The following PPP1R12B variants were observed in gnomAD, a reference collection of about 807,000 sequenced individuals.
PPP1R12B encodes protein phosphatase 1 regulatory subunit 12B.
Under a neutral mutation model 126.1 loss-of-function variants are expected in PPP1R12B, and 76 were observed. That is an observed-to-expected ratio of 0.60 (90% confidence interval 0.50 to 0.73). PPP1R12B has a LOEUF of 0.73. Among genes scored for constraint, PPP1R12B ranks in the 30% least tolerant of loss-of-function variants. The probability of loss-of-function intolerance (pLI) is 0.00; values close to 1 mark genes in which losing one functional copy is unlikely to be tolerated. For missense variants in PPP1R12B, 1,052 were observed against 1,205.1 expected (o/e 0.87, Z 1.88); for synonymous variants, 356 against 434.7 (o/e 0.82, Z 2.25).
At chr1:202,561,829 CT>C (rs1450904227) in intron 19 of PPP1R12B, among the ~76,000 whole-genome samples, 1 of 152,158 alleles carries the variant, frequency 6.6e-6, no homozygotes, top group African/African-American at 2.4e-5. Context: ...ATCCTTATTG[CT>C]TCTCTATCTC....
intron 13 of PPP1R12B, among the ~76,000 whole-genome samples, chr1:202,486,810 A>G (rs1209867967): frequency 1.3e-5 from 2 of 152,204 alleles, no homozygotes; most frequent in African/African-American, 4.8e-5. Context: ...TCAAAAATAA[A>G]AAACAAAACC....
At chr1:202,375,123 T>C (rs1475756635) in intron 1 of PPP1R12B, among the ~76,000 whole-genome samples, 2 of 151,978 alleles carry the variant, frequency 1.3e-5, no homozygotes, top group Non-Finnish European at 2.9e-5. Context: ...TTTGTATTTT[T>C]AGTAGAGATG....
chr1:202,360,205 G>T (rs574873114), intron 1 of PPP1R12B, among the ~76,000 whole-genome samples: 8 of 152,238 alleles, frequency 5.3e-5, no homozygotes, highest in African/African-American at 1.9e-4. Flanking sequence ...ATCATAAGTG[G>T]TGGTATGTAC....
chr1:202,378,520 C>T (rs536116938), intron 1 of PPP1R12B, among the ~76,000 whole-genome samples: 1 of 152,148 alleles, frequency 6.6e-6, no homozygotes, highest in East Asian at 1.9e-4. Context: ...TGCTCTGTCA[C>T]CTAGGTTGGA....
intron 3 of PPP1R12B, among the ~76,000 whole-genome samples, chr1:202,425,354 C>T (rs1669365789): frequency 6.6e-6 from 1 of 152,164 alleles, no homozygotes; most frequent in South Asian, 2.1e-4. Context: ...GGATCTGTAT[C>T]ACATAATATT....
At chr1:202,520,305 C>T (rs1682637943) in intron 18 of PPP1R12B, among the ~76,000 whole-genome samples, 1 of 152,180 alleles carries the variant, frequency 6.6e-6, no homozygotes, top group Admixed American at 6.5e-5. Context: ...TTTCTGAATT[C>T]CCAGTCCAGC....
intron 1 of PPP1R12B, among the ~76,000 whole-genome samples, chr1:202,355,049 G>C (rs1013787551): frequency 2.0e-5 from 3 of 151,872 alleles, no homozygotes; most frequent in Non-Finnish European, 4.4e-5. Context: ...ACGAGGTCAG[G>C]AGATCGAGAC....
At position 202,349,051 on chromosome 1, in the gene PPP1R12B, C is replaced by G. The variant is rs1055654135; in HGVS notation, c.200C>G (p.Ser67Cys). The G allele has an allele frequency of 1.2e-6, 2 of 1,613,954 alleles. No individual in the cohort carries two copies. The highest frequency in any genetic ancestry group is 2.2e-5 in the South Asian group (2 of 91,014). The change falls in exon 1 of 24, where the codon TCT becomes TGT. Residue 67 changes from serine to cysteine, a missense_variant. By Grantham distance (112) the Ser-to-Cys change is moderately radical. Transcript: ENST00000608999. The part of the protein sequence containing the change: ...EDGAVFLAAC[S>C]SGDTDEVRKL... ...GGTGCTGTCTTTCTGGCCGCCTGCT[C>G]TAGCGGGGACACCGACGAGGTGAGA...
chr1:202,394,856 T>C (rs2741846), intron 1 of PPP1R12B, among the ~76,000 whole-genome samples: 147,937 of 152,196 alleles, frequency 0.97, 71,990 homozygotes, highest in East Asian at 1. Flanking sequence ...GACCTGGTGG[T>C]TTACGCCTAC....
At chr1:202,407,481 T>C (rs1287809097) in intron 1 of PPP1R12B, among the ~76,000 whole-genome samples, 5 of 152,198 alleles carry the variant, frequency 3.3e-5, no homozygotes, top group African/African-American at 4.8e-5. Flanking sequence ...CAGATCTGTG[T>C]CCAGAGCCTG....
chr1:202,521,641 G>C (rs1344899799), intron 18 of PPP1R12B, among the ~76,000 whole-genome samples: 3 of 152,112 alleles, frequency 2.0e-5, no homozygotes, highest in African/African-American at 7.2e-5. Context: ...TTAGGAAATA[G>C]AACTGAGAAA....
At chr1:202,548,755 G>GCGCT (rs1685926934) in intron 18 of PPP1R12B, among the ~76,000 whole-genome samples, 2 of 148,032 alleles carry the variant, frequency 1.4e-5, no homozygotes, top group South Asian at 2.2e-4. Context: ...CCATGATCAT[G>GCGCT]CGCTCGCTCA....
chr1:202,444,455 A>G (rs1271927103), intron 12 of PPP1R12B, among the ~76,000 whole-genome samples: 1 of 152,158 alleles, frequency 6.6e-6, no homozygotes, highest in Non-Finnish European at 1.5e-5. Flanking sequence ...TTAAAACTAA[A>G]TCCTCCCAGA....
At chr1:202,402,795 C>G (rs1282705506) in intron 1 of PPP1R12B, among the ~76,000 whole-genome samples, 1 of 152,124 alleles carries the variant, frequency 6.6e-6, no homozygotes, top group East Asian at 1.9e-4. Flanking sequence ...AGACATTTGT[C>G]AAAACTTAGT....
At chr1:202,532,919 G>A (rs1190222864) in intron 18 of PPP1R12B, among the ~76,000 whole-genome samples, 2 of 141,352 alleles carry the variant, frequency 1.4e-5, no homozygotes, top group East Asian at 4.1e-4. Flanking sequence ...GCCCAGGCTG[G>A]AGTGCAATGT....
At chr1:202,554,407 CTG>C (rs1369419670) in intron 18 of PPP1R12B, among the ~76,000 whole-genome samples, 1 of 152,076 alleles carries the variant, frequency 6.6e-6, no homozygotes, top group East Asian at 1.9e-4. Context: ...ATTAAGGTAA[CTG>C]TGTTACTCCT....
intron 13 of PPP1R12B, among the ~76,000 whole-genome samples, chr1:202,480,432 C>G (rs1334165452): frequency 2.0e-5 from 3 of 152,136 alleles, no homozygotes; most frequent in Admixed American, 2.0e-4. Flanking sequence ...AAGACAGAAG[C>G]TAGCTTCATT....
intron 1 of PPP1R12B, among the ~76,000 whole-genome samples, chr1:202,352,274 T>G (rs918444791): frequency 3.3e-5 from 5 of 152,238 alleles, no homozygotes; most frequent in African/African-American, 4.8e-5. Flanking sequence ...ATTTATTTAT[T>G]AAGTTTGACT....
chr1:202,435,228 G>A (rs1340486073), intron 9 of PPP1R12B, among the ~76,000 whole-genome samples: 1 of 152,028 alleles, frequency 6.6e-6, no homozygotes, highest in African/African-American at 2.4e-5. Flanking sequence ...AATTTTTGGA[G>A]GACACAAACA....
Sources: gnomAD v4.1 joint callset for allele counts (sites outside exome capture counted in the v4.1 genomes callset) on GRCh38, gnomAD v4.1.1 for gene constraint, MANE v1.5 for transcripts, NCBI Gene and HGNC (gene_info 2026-07-23, HGNC 2026-07-21) for gene names.